Variants in PDE1A observed in about 807,000 individuals in gnomAD.
The protein encoded by PDE1A is phosphodiesterase 1A.
In PDE1A, 35 loss-of-function variants were observed where a neutral mutation model predicts 61.7. The ratio of observed to expected loss-of-function variants is 0.57; its 90% CI spans 0.43 to 0.75. The LOEUF is 0.75. Among genes scored for constraint, PDE1A ranks in the 30% least tolerant of loss-of-function variants. The probability of loss-of-function intolerance (pLI) is 0.00; values close to 1 mark genes in which losing one functional copy is unlikely to be tolerated. For synonymous variants in PDE1A, 232 were observed against 213.2 expected (o/e 1.09, Z -0.77); for missense variants, 597 against 630.6 (o/e 0.95, Z 0.57).
At chr2:182,241,700 C>A (rs2623435) in intron 2 of PDE1A, 3 of 632,186 alleles carry the variant, frequency 4.7e-6, no homozygotes, top group African/African-American at 1.9e-5. Context: ...TATGAAATAC[C>A]TTATAAAAAA....
At chr2:182,275,954 T>C (rs945761358) in intron 1 of PDE1A, among the ~76,000 whole-genome samples, 16 of 152,118 alleles carry the variant, frequency 1.1e-4, no homozygotes, top group African/African-American at 3.4e-4. Context: ...TAACAAGGCA[T>C]TACAAATTTT....
At position 182,154,178 on chromosome 2, in the gene PDE1A, A is replaced by T. The variant is rs77241097; in HGVS notation, c.1517-7026T>A. Among the ~76,000 whole-genome samples the T allele has an allele frequency of 5.2e-3, 797 of 152,358 alleles. 3 individuals carry two copies. Among genetic ancestry groups the T allele is most frequent in the African/African-American group, 0.017 (722 of 41,574 alleles). The stretch of plus-strand genomic sequence containing the variant: ...AAGAAAACAAACAAACAACAACAAC[A>T]ACAAAACAAACTTCAATTGCCTTTA... On this transcript the variant is annotated intron_variant, in intron 13 of 13. Coordinates refer to the PDE1A transcript ENST00000409365.
chr2:182,537,174 T>G, the PDE1A span, among the ~76,000 whole-genome samples: 1 of 152,184 alleles, frequency 6.6e-6, no homozygotes, highest in Non-Finnish European at 1.5e-5. Context: ...CCATACCAAC[T>G]GGAAGAAGCA....
chr2:182,160,683 A>T (rs893822755), intron 13 of PDE1A, among the ~76,000 whole-genome samples: 1 of 152,112 alleles, frequency 6.6e-6, no homozygotes, highest in African/African-American at 2.4e-5. Flanking sequence ...CTTCTCTCAA[A>T]GCCACGCTAC....
the PDE1A span, among the ~76,000 whole-genome samples, chr2:182,569,517 G>C: frequency 6.6e-6 from 1 of 151,998 alleles, no homozygotes; most frequent in Admixed American, 6.6e-5. Context: ...GCAGTAGGAT[G>C]GTAGAAGGAG....
At chr2:182,500,403 A>T (rs941060982) in intron 2 of PDE1A, among the ~76,000 whole-genome samples, 1 of 152,196 alleles carries the variant, frequency 6.6e-6, no homozygotes, top group Non-Finnish European at 1.5e-5. Flanking sequence ...AAGAATATTT[A>T]AAATAGATAA....
At chr2:182,486,338 T>C (rs1688023492) in intron 2 of PDE1A, among the ~76,000 whole-genome samples, 1 of 152,066 alleles carries the variant, frequency 6.6e-6, no homozygotes, top group South Asian at 2.1e-4. Context: ...ATGTTTATGA[T>C]GAAGACTTAA....
chr2:182,559,008 A>G, the PDE1A span, among the ~76,000 whole-genome samples: 1 of 152,198 alleles, frequency 6.6e-6, no homozygotes, highest in Non-Finnish European at 1.5e-5. Flanking sequence ...ATCCAAAGGG[A>G]AAACAAAATA....
chr2:182,540,319 T>C, the PDE1A span, among the ~76,000 whole-genome samples: 52,495 of 139,190 alleles, frequency 0.38, 10,005 homozygotes, highest in Middle Eastern at 0.52. Context: ...AGCTGAGACA[T>C]ACCACTGCAC....
chr2:182,627,393 G>A, the PDE1A span, among the ~76,000 whole-genome samples: 357 of 112,506 alleles, frequency 3.2e-3, 2 homozygotes, highest in African/African-American at 0.011. Context: ...AATATATAAT[G>A]TATATTATAT....
intron 13 of PDE1A, among the ~76,000 whole-genome samples, chr2:182,178,105 A>T (rs1190196797): frequency 6.6e-6 from 1 of 152,184 alleles, no homozygotes; most frequent in African/African-American, 2.4e-5. Context: ...CTTGTTTGTT[A>T]TAACAGGCTC....
At chr2:182,454,269 G>A (rs1685741307) in intron 2 of PDE1A, among the ~76,000 whole-genome samples, 2 of 152,026 alleles carry the variant, frequency 1.3e-5, no homozygotes, top group Non-Finnish European at 2.9e-5. Flanking sequence ...AAATAAAAGA[G>A]GATACAAACA....
intron 1 of PDE1A, among the ~76,000 whole-genome samples, chr2:182,372,706 C>G (rs1368250375): frequency 6.6e-6 from 1 of 152,120 alleles, no homozygotes; most frequent in Non-Finnish European, 1.5e-5. Context: ...CAAAGTTATT[C>G]ATACTAGAGA....
At chr2:182,231,876 C>T (rs1372112315) in intron 4 of PDE1A, among the ~76,000 whole-genome samples, 1 of 152,102 alleles carries the variant, frequency 6.6e-6, no homozygotes, top group East Asian at 1.9e-4. Context: ...GATCGCACTA[C>T]TGCACTCCAG....
At chr2:182,376,911 C>A (rs1031710569) in intron 1 of PDE1A, among the ~76,000 whole-genome samples, 1 of 152,158 alleles carries the variant, frequency 6.6e-6, no homozygotes, top group African/African-American at 2.4e-5. Flanking sequence ...TTAAAACCAT[C>A]AGATTTCGTG....
intron 2 of PDE1A, among the ~76,000 whole-genome samples, chr2:182,255,620 C>T (rs1691718518): frequency 6.6e-6 from 1 of 151,872 alleles, no homozygotes; most frequent in African/African-American, 2.4e-5. Flanking sequence ...CTAGTTAACT[C>T]CAAGTTCATC....
chr2:182,250,488 T>C (rs1284656769), intron 2 of PDE1A, among the ~76,000 whole-genome samples: 1 of 152,206 alleles, frequency 6.6e-6, no homozygotes, highest in Non-Finnish European at 1.5e-5. Flanking sequence ...CACTGAAGCA[T>C]GTTTATTTAT....
rs529682235 is a variant in PDE1A at position 182,279,768 on chromosome 2, C to CTT, written c.54-15356_54-15355dup. Among the ~76,000 whole-genome samples the CTT allele has an allele frequency of 1.6e-4, 24 of 151,900 alleles. 1 individual carries two copies. In the East Asian group the frequency reaches 4.7e-3, roughly 29 times the overall value. ...CTTTCTCTCTACCTATCTCTGAAAT[C>CTT]TTTTTATAAAAATTAGCAGTTTCTT... On this transcript the variant is annotated intron_variant, in intron 1 of 13. Coordinates refer to ENST00000351439, the Ensembl canonical transcript of PDE1A.
chr2:182,469,002 T>C (rs1423532413), intron 2 of PDE1A, among the ~76,000 whole-genome samples: 1 of 151,976 alleles, frequency 6.6e-6, no homozygotes, highest in East Asian at 1.9e-4. Flanking sequence ...CCAGCTTCAT[T>C]GTTGCATTTC....
Sources: gnomAD v4.1 joint callset for allele counts (sites outside exome capture counted in the v4.1 genomes callset) on GRCh38, gnomAD v4.1.1 for gene constraint, MANE v1.5 for transcripts, NCBI Gene and HGNC (gene_info 2026-07-23, HGNC 2026-07-21) for gene names.